SHANK2: variants seen among roughly 807,000 people sequenced by gnomAD.
The protein encoded by SHANK2 is SH3 and multiple ankyrin repeat domains 2, also known as SH3 and multiple ankyrin repeat domains protein 2.
Under a neutral mutation model 133.7 loss-of-function variants are expected in SHANK2, and 43 were observed. That is an observed-to-expected ratio of 0.32 (90% CI 0.25 to 0.41). SHANK2 has a LOEUF of 0.41. SHANK2 is among the 10% of genes least tolerant of loss of function. The pLI, the probability that SHANK2 is intolerant of heterozygous loss-of-function variation, is 1.00. For missense variants in SHANK2, 1,994 were observed against 2,235.8 expected (o/e 0.89, Z 2.18); for synonymous variants, 1,017 against 952.8 (o/e 1.07, Z -1.24).
chr11:70,845,934 G>A lies in SHANK2; in HGVS notation c.1175-25252C>T, dbSNP rs140066269. Among the ~76,000 whole-genome samples the A allele has an allele frequency of 4.5e-3, 679 of 152,252 alleles. 8 individuals carry two copies. The highest frequency in any genetic ancestry group is 0.015 in the African/African-American group (635 of 41,548). ...CGCACTGGGGGCAGGAAACGGAGCCGTCAGAGGAAAGCACCCCAGAGACGC... is the reference window on the plus strand; with the variant it reads ...CGCACTGGGGGCAGGAAACGGAGCCATCAGAGGAAAGCACCCCAGAGACGC... On this transcript the variant is annotated intron_variant, in intron 11 of 25. Coordinates refer to ENST00000601538, the MANE Select transcript of SHANK2 (RefSeq NM_012309.5).
In SHANK2 at chr11:71,147,358, A is replaced by G; in HGVS notation, c.-12-20T>C. ...CTGTGTCTTCGAGGTGGGGAGAAGG[A>G]AGACAAAGAACGGGAGATGTGAAAA... On this transcript the variant is annotated intron_variant, in intron 2 of 25. Transcript: ENST00000601538. 6.5e-7 allele frequency: 1 copy of G among 1,534,082 alleles called. No homozygotes were observed. Among genetic ancestry groups the G allele is most frequent in the Non-Finnish European group, 8.8e-7 (1 of 1,135,574 alleles).
intron 17 of SHANK2, among the ~76,000 whole-genome samples, chr11:70,580,066 G>T (rs577724700): frequency 6.6e-6 from 1 of 152,310 alleles, no homozygotes; most frequent in South Asian, 2.1e-4. Context: ...TAATAAACAC[G>T]TGTTGCTGGA....
intron 17 of SHANK2, among the ~76,000 whole-genome samples, chr11:70,656,537 C>G (rs1012100152): frequency 2.0e-5 from 3 of 152,204 alleles, no homozygotes; most frequent in African/African-American, 7.2e-5. Context: ...TTGGCTCCTT[C>G]TCCCCTGGGC....
intron 3 of SHANK2, among the ~76,000 whole-genome samples, chr11:71,138,985 G>A (rs558052037): frequency 3.3e-5 from 5 of 152,234 alleles, no homozygotes; most frequent in African/African-American, 1.2e-4. Flanking sequence ...GACTGTACAG[G>A]CGGGGAGAGA....
intron 14 of SHANK2, among the ~76,000 whole-genome samples, chr11:70,798,076 A>G (rs1947957990): frequency 6.6e-6 from 1 of 152,282 alleles, no homozygotes; most frequent in Non-Finnish European, 1.5e-5. Context: ...GCACAGGAGC[A>G]TCTCGCCTGC....
At chr11:70,718,643 G>A (rs1015628589) in intron 14 of SHANK2, among the ~76,000 whole-genome samples, 16 of 151,750 alleles carry the variant, frequency 1.1e-4, no homozygotes, top group African/African-American at 3.6e-4. Flanking sequence ...GTGAGAAGGC[G>A]AATGTCACAG....
chr11:71,167,904 C>T (rs1437971028), intron 2 of SHANK2, among the ~76,000 whole-genome samples: 6 of 144,774 alleles, frequency 4.1e-5, no homozygotes, highest in African/African-American at 7.9e-5. Flanking sequence ...CCGGACAGGG[C>T]GGCTGTCCGG....
At chr11:71,140,792 G>C (rs1190258371) in intron 3 of SHANK2, among the ~76,000 whole-genome samples, 1 of 150,990 alleles carries the variant, frequency 6.6e-6, no homozygotes, top group African/African-American at 2.4e-5. Context: ...CGAGGGAGAC[G>C]TGCTTCTGAC....
intron 11 of SHANK2, among the ~76,000 whole-genome samples, chr11:70,853,342 G>A (rs938813172): frequency 7.9e-5 from 12 of 152,334 alleles, no homozygotes; most frequent in Admixed American, 5.9e-4. Flanking sequence ...GTCCAAGTGC[G>A]GGAGAGGGTG....
At chr11:71,156,553 G>A (rs1482792744) in intron 2 of SHANK2, among the ~76,000 whole-genome samples, 2 of 152,088 alleles carry the variant, frequency 1.3e-5, no homozygotes, top group Non-Finnish European at 2.9e-5. Flanking sequence ...TCTCACCTCA[G>A]AGGGCCTGGA....
intron 17 of SHANK2, among the ~76,000 whole-genome samples, chr11:70,547,375 C>T (rs1482619859): frequency 3.3e-5 from 5 of 152,196 alleles, no homozygotes; most frequent in African/African-American, 1.2e-4. Context: ...ATTCTCCTGC[C>T]TCTGCCTTCT....
chr11:71,181,407 A>T (rs1953553202), intron 2 of SHANK2, among the ~76,000 whole-genome samples: 1 of 152,154 alleles, frequency 6.6e-6, no homozygotes, highest in Non-Finnish European at 1.5e-5. Context: ...GGAGGGCTAG[A>T]CAGGAGGATC....
chr11:70,511,227 G>T (rs1051676231), intron 17 of SHANK2, among the ~76,000 whole-genome samples: 1 of 152,190 alleles, frequency 6.6e-6, no homozygotes, highest in Non-Finnish European at 1.5e-5. Flanking sequence ...GACAAGACCA[G>T]CACGCAACAA....
intron 11 of SHANK2, among the ~76,000 whole-genome samples, chr11:70,887,277 G>A (rs1949762028): frequency 1.5e-5 from 1 of 65,828 alleles, no homozygotes; most frequent in Non-Finnish European, 6.6e-5. Context: ...CAACAAGCAA[G>A]GATTAACTGT....
intron 17 of SHANK2, 30 bp from the exon 18 acceptor site, chr11:70,502,961 T>C (rs782369178): frequency 1.2e-5 from 19 of 1,613,426 alleles, no homozygotes; most frequent in Middle Eastern, 1.6e-4. Context: ...ATGGCATCAG[T>C]GAGAGCCAGC....
chr11:70,841,026 G>A (rs1247659670), intron 11 of SHANK2, among the ~76,000 whole-genome samples: 3 of 152,166 alleles, frequency 2.0e-5, no homozygotes, highest in African/African-American at 7.2e-5. Context: ...ATTTTGGGAG[G>A]TTGAGGCAGG....
intron 17 of SHANK2, among the ~76,000 whole-genome samples, chr11:70,534,956 G>T (rs1229728224): frequency 6.6e-6 from 1 of 152,144 alleles, no homozygotes; most frequent in Non-Finnish European, 1.5e-5. Flanking sequence ...AGGAGATGTG[G>T]ATAGTGCCTC....
intron 14 of SHANK2, among the ~76,000 whole-genome samples, chr11:70,731,278 G>C (rs782182817): frequency 5.9e-5 from 9 of 152,138 alleles, no homozygotes; most frequent in Non-Finnish European, 1.2e-4. Flanking sequence ...GCCTCACTGG[G>C]GACTGAATTT....
chr11:70,662,233 C>A (rs1053155007), intron 15 of SHANK2: 3 of 198,662 alleles, frequency 1.5e-5, no homozygotes, highest in Non-Finnish European at 3.1e-5. Context: ...CCGCACGAGC[C>A]GGCAGCAGGC....
Sources: gnomAD v4.1 joint callset for allele counts (sites outside exome capture counted in the v4.1 genomes callset) on GRCh38, gnomAD v4.1.1 for gene constraint, MANE v1.5 for transcripts, NCBI Gene and HGNC (gene_info 2026-07-23, HGNC 2026-07-21) for gene names.